ZMYND8: variants seen among roughly 807,000 people sequenced by gnomAD.
The protein encoded by ZMYND8 is zinc finger MYND-type containing 8.
A neutral mutation model predicts 140.8 loss-of-function variants in ZMYND8; 37 were observed. That is an observed-to-expected ratio of 0.26 (90% CI 0.20 to 0.35). The LOEUF (loss-of-function observed/expected upper bound fraction) is 0.35, where lower values mean the gene tolerates loss of function less well. ZMYND8 is among the 10% of genes least tolerant of loss of function. The pLI is 1.00. For missense variants in ZMYND8, 1,068 were observed against 1,570.0 expected, an observed-to-expected ratio of 0.68 and a Z score of 5.40; for synonymous variants, 592 against 597.1, an observed-to-expected ratio of 0.99 and a Z score of 0.12.
At chr20:47,345,347 T>C (rs965763760) in intron 2 of ZMYND8, among the ~76,000 whole-genome samples, 4 of 151,196 alleles carry the variant, frequency 2.6e-5, no homozygotes, top group African/African-American at 9.7e-5. Context: ...TCAAGTGAAG[T>C]TGGGGGAGAA....
chr20:47,221,238 C>T (rs1369196259), intron 20 of ZMYND8, 76 bp downstream of exon 20: 40 of 1,557,506 alleles, frequency 2.6e-5, no homozygotes, highest in South Asian at 3.5e-5. Flanking sequence ...ACTTTCAGGG[C>T]GGCAGACAGG....
intron 12 of ZMYND8, among the ~76,000 whole-genome samples, chr20:47,261,550 TATCATCATCATCATCATCATC>T (rs10563094): frequency 1.9e-4 from 23 of 118,604 alleles, no homozygotes; most frequent in African/African-American, 5.9e-4. Context: ...AAAAAACAGT[TATCATCATCATCATCATCATC>T]ATCATCATCA....
chr20:47,224,912 T>TC (rs2037472458), intron 18 of ZMYND8, among the ~76,000 whole-genome samples: 2 of 150,200 alleles, frequency 1.3e-5, no homozygotes, highest in African/African-American at 5.0e-5. Flanking sequence ...CATAAGCCTT[T>TC]TCCCCCCTAT....
intron 21 of ZMYND8, 26 bp downstream of exon 21, chr20:47,220,232 C>T (rs376301596): frequency 7.8e-6 from 12 of 1,547,298 alleles, no homozygotes; most frequent in Admixed American, 5.8e-5. Flanking sequence ...GTGAAAGCAC[C>T]GTTCGCCCAC....
intron 2 of ZMYND8, among the ~76,000 whole-genome samples, chr20:47,327,898 T>C (rs2080582978): frequency 6.6e-6 from 1 of 152,236 alleles, no homozygotes. Flanking sequence ...CACTGCAGCC[T>C]TGACCTCCTG....
intron 2 of ZMYND8, among the ~76,000 whole-genome samples, chr20:47,327,411 T>A (rs2080524154): frequency 6.6e-6 from 1 of 151,652 alleles, no homozygotes; most frequent in Admixed American, 6.6e-5. Context: ...CCCAGCACTT[T>A]GGGAGGCCAA....
chr20:47,249,318 G>A lies in ZMYND8; in HGVS notation c.1743C>T (p.Asp581=). The A allele has an allele frequency of 6.2e-7, 1 of 1,614,068 alleles. No individual in the cohort carries two copies. The highest frequency in any genetic ancestry group is 1.3e-5 in the African/African-American group (1 of 75,026). ...QIRSRFQLNL[D]KTIESCKAQL... ...GTGCTTTGCAACTCTCTATGGTCTT[G>A]TCAAGATTCAGCTGGAACCTGCTAC... Residue 581 remains aspartate, a synonymous_variant, in exon 13 of 23, where the codon GAC becomes GAT. Transcript: ENST00000471951.
At chr20:47,255,712 GTGTA>G (rs1432893112) in intron 12 of ZMYND8, among the ~76,000 whole-genome samples, 3 of 60,678 alleles carry the variant, frequency 4.9e-5, no homozygotes, top group African/African-American at 2.7e-4. Context: ...TATATATACC[GTGTA>G]TGTGTGTATA....
intron 7 of ZMYND8, 68 bp downstream of exon 7, chr20:47,290,119 T>G: frequency 1.4e-6 from 2 of 1,453,858 alleles, no homozygotes; most frequent in Non-Finnish European, 1.9e-6. Flanking sequence ...TGATTTTTCA[T>G]GAAGGACAGG....
rs144296696 is a variant in ZMYND8, at chr20:47,218,276, C to T, written c.3484+1982G>A. On this transcript the variant is annotated intron_variant, in intron 21 of 22. Transcript: ENST00000471951. ...AGATTCATCCTACCACGGCATCATT[C>T]ATCTTCTCAGATGCCATTTCAATCA... Among the ~76,000 whole-genome samples, 45 of 152,332 alleles carry T rather than the reference C, an allele frequency of 3.0e-4. No homozygotes were observed. In the East Asian group the frequency reaches 6.0e-3, roughly 20 times the overall value.
At chr20:47,255,232 A>G (rs1362512651) in intron 12 of ZMYND8, among the ~76,000 whole-genome samples, 1 of 152,108 alleles carries the variant, frequency 6.6e-6, no homozygotes, top group Non-Finnish European at 1.5e-5. Flanking sequence ...TAGAAACTAA[A>G]AACTTGCAAC....
chr20:47,322,572 C>T (rs1236092562), intron 2 of ZMYND8, among the ~76,000 whole-genome samples: 6 of 151,624 alleles, frequency 4.0e-5, no homozygotes, highest in Non-Finnish European at 8.8e-5. Flanking sequence ...TCCCAAGTAG[C>T]TGGGACTACA....
At position 47,209,340 on chromosome 20, in the gene ZMYND8, A is replaced by C. The variant is rs2034968334; in HGVS notation, c.*1421T>G. On this transcript the variant is annotated 3_prime_UTR_variant, in exon 23 of 23. Transcript: ENST00000471951. ...AGTCTACTGGCTCAGTCACAAAGAA[A>C]CACCACCATCAAAAAGATATTTAAG... 6.6e-6 allele frequency: 1 copy of C among 152,234 alleles called. No homozygotes were observed. Among genetic ancestry groups the C allele is most frequent in the African/African-American group, 2.4e-5 (1 of 41,458 alleles). 9.4% of individuals were successfully genotyped at this position (152,234 alleles called of 1,614,324 possible).
chr20:47,337,014 G>C (rs2081435446), intron 2 of ZMYND8, among the ~76,000 whole-genome samples: 1 of 150,420 alleles, frequency 6.6e-6, no homozygotes, highest in Non-Finnish European at 1.5e-5. Flanking sequence ...TTAAAATCTA[G>C]GGACATTAAA....
intron 22 of ZMYND8, among the ~76,000 whole-genome samples, chr20:47,212,418 CCAT>C (rs1455229937): frequency 6.6e-6 from 1 of 152,186 alleles, no homozygotes; most frequent in Non-Finnish European, 1.5e-5. Flanking sequence ...AGGACGATCT[CCAT>C]CAAGAAGCCA....
At chr20:47,337,310 A>G (rs1415070633) in intron 2 of ZMYND8, among the ~76,000 whole-genome samples, 2 of 152,014 alleles carry the variant, frequency 1.3e-5, no homozygotes, top group South Asian at 4.1e-4. Flanking sequence ...CGAGATAGGC[A>G]CTCCAGCCTG....
chr20:47,297,198 G>A (rs1048372968), intron 4 of ZMYND8, among the ~76,000 whole-genome samples: 2 of 152,116 alleles, frequency 1.3e-5, no homozygotes, highest in African/African-American at 4.8e-5. Flanking sequence ...AACGGCAGCC[G>A]CCTTTTGCCA....
intron 3 of ZMYND8, among the ~76,000 whole-genome samples, chr20:47,308,973 A>G (rs2078709125): frequency 6.6e-6 from 1 of 152,206 alleles, no homozygotes; most frequent in Admixed American, 6.5e-5. Context: ...AACAAGTGGC[A>G]TCAGAACCAA....
At chr20:47,350,112 A>G (rs948640186) in intron 1 of ZMYND8, 63 of 1,233,200 alleles carry the variant, frequency 5.1e-5, no homozygotes, top group East Asian at 3.0e-5. Flanking sequence ...CTTTCCAAGT[A>G]TTACAAGTGG....
Sources: gnomAD v4.1 joint callset for allele counts (sites outside exome capture counted in the v4.1 genomes callset) on GRCh38, gnomAD v4.1.1 for gene constraint, MANE v1.5 for transcripts, NCBI Gene and HGNC (gene_info 2026-07-23, HGNC 2026-07-21) for gene names.